Variants in SLC24A2 observed in about 807,000 individuals in gnomAD.
SLC24A2 encodes sodium/potassium/calcium exchanger 2.
Under a neutral mutation model 62.0 loss-of-function variants are expected in SLC24A2, and 36 were observed. That is an observed-to-expected ratio of 0.58 (90% confidence interval 0.44 to 0.77). SLC24A2 has a LOEUF of 0.77. Ranked by LOEUF, SLC24A2 falls within the 30% of genes least tolerant of loss-of-function variation. The probability of loss-of-function intolerance (pLI) is 0.00; values close to 1 mark genes in which losing one functional copy is unlikely to be tolerated. For missense variants in SLC24A2, 846 were observed against 817.9 expected, an observed-to-expected ratio of 1.03 and a Z score of -0.42; for synonymous variants, 358 against 294.0, an observed-to-expected ratio of 1.22 and a Z score of -2.23.
the SLC24A2 span, among the ~76,000 whole-genome samples, chr9:19,850,998 T>C: frequency 2.8e-3 from 136 of 48,852 alleles, 5 homozygotes; most frequent in East Asian, 0.025. Context: ...TATATATATA[T>C]ATACACATAC....
the SLC24A2 span, among the ~76,000 whole-genome samples, chr9:20,003,292 T>C: frequency 6.6e-6 from 1 of 152,192 alleles, no homozygotes; most frequent in Non-Finnish European, 1.5e-5. Flanking sequence ...ATTAGCCACA[T>C]AGCCACATAT....
the SLC24A2 span, among the ~76,000 whole-genome samples, chr9:20,057,017 A>T: frequency 6.6e-6 from 1 of 152,226 alleles, no homozygotes; most frequent in Non-Finnish European, 1.5e-5. Context: ...TTTATTTCAA[A>T]CCCAGAGTGG....
the SLC24A2 span, among the ~76,000 whole-genome samples, chr9:19,973,970 C>G: frequency 6.6e-6 from 1 of 152,106 alleles, no homozygotes; most frequent in Non-Finnish European, 1.5e-5. Context: ...TTATCATACA[C>G]TGAAACTTGT....
At chr9:19,762,219 G>A (rs1017932788) in intron 2 of SLC24A2, among the ~76,000 whole-genome samples, 3 of 152,176 alleles carry the variant, frequency 2.0e-5, no homozygotes, top group African/African-American at 7.2e-5. Flanking sequence ...CCCTTTGTCA[G>A]ATTAATAGAT....
intron 10 of SLC24A2, among the ~76,000 whole-genome samples, chr9:19,520,005 T>G (rs568987763): frequency 5.9e-5 from 9 of 152,312 alleles, no homozygotes; most frequent in African/African-American, 2.2e-4. Flanking sequence ...ACATACTTCA[T>G]AGGATTATTG....
At chr9:20,033,851 C>G in the SLC24A2 span, among the ~76,000 whole-genome samples, 2 of 152,202 alleles carry the variant, frequency 1.3e-5, no homozygotes, top group African/African-American at 4.8e-5. Flanking sequence ...AGCCTACCAG[C>G]AGCCCTTAGG....
the SLC24A2 span, among the ~76,000 whole-genome samples, chr9:19,841,676 A>T: frequency 6.6e-6 from 1 of 152,198 alleles, no homozygotes. Context: ...GACACTGAAT[A>T]GGATTGGAAT....
At chr9:20,009,437 C>A in the SLC24A2 span, among the ~76,000 whole-genome samples, 31 of 150,566 alleles carry the variant, frequency 2.1e-4, no homozygotes, top group African/African-American at 7.6e-4. Context: ...CAGCAACCAT[C>A]ACACAAATCT....
chr9:19,808,828 C>T, the SLC24A2 span, among the ~76,000 whole-genome samples: 1 of 152,174 alleles, frequency 6.6e-6, no homozygotes, highest in African/African-American at 2.4e-5. The surrounding 1 kb of genome is among the most constrained non-coding windows in gnomAD (Gnocchi z 4.1). Context: ...TTATTATGAC[C>T]TTCTAGGATC....
At chr9:19,593,517 T>C (rs1836616960) in intron 5 of SLC24A2, among the ~76,000 whole-genome samples, 1 of 152,126 alleles carries the variant, frequency 6.6e-6, no homozygotes, top group Non-Finnish European at 1.5e-5. Context: ...CATGATTTTG[T>C]CTTGCGTGTG....
At chr9:19,729,955 T>C (rs1320429266) in intron 2 of SLC24A2, among the ~76,000 whole-genome samples, 1 of 152,184 alleles carries the variant, frequency 6.6e-6, no homozygotes, top group African/African-American at 2.4e-5. Context: ...CATTATTATA[T>C]GGATCTAAAC....
In SLC24A2 at chr9:19,507,518, T is replaced by G. The variant is rs1832544843; in HGVS notation, c.*8635A>C. 1 of 152,214 alleles carries G rather than the reference T, an allele frequency of 6.6e-6. No individual in the cohort carries two copies. Among genetic ancestry groups the G allele is most frequent in the Non-Finnish European group, 1.5e-5 (1 of 68,036 alleles). 9.4% of individuals were successfully genotyped at this position (152,214 alleles called of 1,614,324 possible). A position where few individuals can be genotyped will look rare whatever the true frequency, so the allele number is the denominator to read the frequency against. On this transcript the variant is annotated 3_prime_UTR_variant, in exon 11 of 11. Coordinates refer to ENST00000341998, the MANE Select transcript of SLC24A2 (RefSeq NM_020344.4). ...ACTGAGGAGACTTAGTTACATAAAG[T>G]GATATTCTATGAATTGATTATCAGT...
At chr9:20,228,837 T>A in the SLC24A2 span, among the ~76,000 whole-genome samples, 14 of 152,060 alleles carry the variant, frequency 9.2e-5, no homozygotes, top group Admixed American at 9.2e-4. Context: ...GAAGGAGAGC[T>A]AAGGCTGTTC....
chr9:20,009,363 T>C, the SLC24A2 span, among the ~76,000 whole-genome samples: 1 of 138,378 alleles, frequency 7.2e-6, no homozygotes, highest in African/African-American at 2.8e-5. Context: ...CTAGCCTGGG[T>C]GACAGACTGA....
chr9:20,155,263 T>G, the SLC24A2 span, among the ~76,000 whole-genome samples: 1 of 151,774 alleles, frequency 6.6e-6, no homozygotes, highest in Non-Finnish European at 1.5e-5. Context: ...CCAATAGTGC[T>G]TAAAATAAAA....
intron 2 of SLC24A2, among the ~76,000 whole-genome samples, chr9:19,725,877 T>G (rs139480750): frequency 1.4e-4 from 22 of 152,246 alleles, no homozygotes; most frequent in African/African-American, 4.3e-4. Context: ...CTGCCCATAT[T>G]CCCCTCTGGG....
the SLC24A2 span, among the ~76,000 whole-genome samples, chr9:19,814,359 G>A: frequency 3.3e-5 from 5 of 152,164 alleles, no homozygotes; most frequent in Non-Finnish European, 5.9e-5. Context: ...AGGATAGGGA[G>A]TGGTTTTCAC....
At chr9:20,010,290 T>G in the SLC24A2 span, among the ~76,000 whole-genome samples, 1 of 152,024 alleles carries the variant, frequency 6.6e-6, no homozygotes, top group Non-Finnish European at 1.5e-5. Context: ...CCAGGAGAGG[T>G]GGCCTTCTCC....
At chr9:20,063,137 A>T in the SLC24A2 span, among the ~76,000 whole-genome samples, 6 of 139,386 alleles carry the variant, frequency 4.3e-5, no homozygotes. Context: ...CCATCCCATT[A>T]CTGGGTATAT....
Sources: gnomAD v4.1 joint callset for allele counts (sites outside exome capture counted in the v4.1 genomes callset) on GRCh38, gnomAD v4.1.1 for gene constraint, Gnocchi (gnomAD v3.1) non-coding constraint, MANE v1.5 for transcripts, NCBI Gene and HGNC (gene_info 2026-07-23, HGNC 2026-07-21) for gene names.